RBM26: variants seen among roughly 807,000 people sequenced by gnomAD.
The protein encoded by RBM26 is RNA-binding protein 26.
RBM26 carries 30 observed loss-of-function variants against 123.6 expected under a neutral mutation model. The ratio of observed to expected loss-of-function variants is 0.24; its 90% CI spans 0.18 to 0.33. The LOEUF is 0.33. Among genes scored for constraint, RBM26 ranks in the 10% least tolerant of loss-of-function variants. The probability of loss-of-function intolerance (pLI) is 1.00; values close to 1 mark genes in which losing one functional copy is unlikely to be tolerated. For synonymous variants in RBM26, 400 were observed against 404.4 expected (o/e 0.99, Z 0.13); for missense variants, 947 against 1,203.6 (o/e 0.79, Z 3.15).
downstream of RBM26, among the ~76,000 whole-genome samples, chr13:79,315,990 T>A (rs1210927924): frequency 1.3e-5 from 2 of 151,856 alleles, no homozygotes; most frequent in Admixed American, 1.3e-4. Flanking sequence ...TCCTGAGATC[T>A]GGGAAAAGGA....
chr13:79,344,588 C>A (rs1461270058), intron 15 of RBM26, 81 bp downstream of exon 15: 1 of 1,245,818 alleles, frequency 8.0e-7, no homozygotes, highest in Admixed American at 2.0e-5. Context: ...TCTTATTTTG[C>A]AATAAGCACT....
rs776461225 is a variant in RBM26, at chr13:79,358,256, C to T, written c.1689+18G>A. On this transcript the variant is annotated intron_variant, in intron 11 of 21. Transcript: ENST00000438737. ...TAAACAGAAAGAAGAGATAACAAAA[C>T]CATTTCATGGCTCTTACCTGTAAGT... is the stretch of plus-strand genomic sequence containing the variant. 1 of 1,561,314 alleles carries T rather than the reference C, an allele frequency of 6.4e-7. No homozygotes were observed. The highest frequency in any genetic ancestry group is 1.2e-5 in the South Asian group (1 of 82,104).
intron 20 of RBM26, among the ~76,000 whole-genome samples, chr13:79,330,011 A>G (rs1019188061): frequency 6.6e-6 from 1 of 152,196 alleles, no homozygotes; most frequent in African/African-American, 2.4e-5. Context: ...GCTCCAAAAT[A>G]AGGAGTGGGC....
At chr13:79,397,607 G>A (rs1471383777) in intron 1 of RBM26, among the ~76,000 whole-genome samples, 3 of 147,388 alleles carry the variant, frequency 2.0e-5, no homozygotes, top group African/African-American at 5.0e-5. Context: ...GCGTGAACCC[G>A]GGAGGTGGAG....
Position 79,319,861 on chromosome 13 carries a change from T to C in RBM26, c.*760A>G, listed in dbSNP as rs2067477677. On this transcript the variant is annotated 3_prime_UTR_variant, in exon 22 of 22. Coordinates refer to ENST00000438737, the MANE Select transcript of RBM26 (RefSeq NM_001366735.2). Reference sequence around the variant, plus strand: ...CTTTTGTGATAATTGGGGGGAAGGGTAGATCACCATCTGGAATGGTCTATT... The same window carrying C: ...CTTTTGTGATAATTGGGGGGAAGGGCAGATCACCATCTGGAATGGTCTATT... The C allele has an allele frequency of 3.1e-6, 3 of 979,582 alleles. No homozygotes were observed. Among genetic ancestry groups the C allele is most frequent in the Non-Finnish European group, 3.6e-6 (3 of 825,506 alleles). 60.7% of individuals were successfully genotyped at this position (979,582 alleles called of 1,614,324 possible). A position where few individuals can be genotyped will look rare whatever the true frequency, so the allele number is the denominator to read the frequency against.
Position 79,392,013 on chromosome 13 carries a change from T to TATGCA in RBM26, c.72-13107_72-13106insTGCAT, listed in dbSNP as rs1555342948. Among the ~76,000 whole-genome samples, 24 of 115,052 alleles carry TATGCA rather than the reference T, an allele frequency of 2.1e-4. 2 individuals are homozygous for TATGCA. Among genetic ancestry groups the TATGCA allele is most frequent in the African/African-American group, 5.7e-4 (18 of 31,510 alleles). 75.5% of individuals were successfully genotyped at this position (115,052 alleles called of 152,430 possible). ...AATACATTATTATATAATTATATAT[T>TATGCA]ATACATTATTATATAATTATATATT... On this transcript the variant is annotated intron_variant, in intron 1 of 21. Transcript: ENST00000438737.
intron 1 of RBM26, among the ~76,000 whole-genome samples, chr13:79,382,852 C>G (rs1362431828): frequency 6.6e-6 from 1 of 152,130 alleles, no homozygotes; most frequent in African/African-American, 2.4e-5. Flanking sequence ...TAAACAAACT[C>G]AAACAGATTC....
Position 79,405,708 on chromosome 13 carries a change from G to A in RBM26, c.67C>T (p.Pro23Ser). The part of the protein sequence containing the change: ...LKSWLSKTLE[P>S]ICDADPSALA... Reference sequence around the variant, plus strand: ...AGATATCCCCCGGATACTCACATGGGCTCGAGAGTCTTGCTGAGCCAGGAC... The same window carrying A: ...AGATATCCCCCGGATACTCACATGGACTCGAGAGTCTTGCTGAGCCAGGAC... Residue 23 changes from proline to serine, a missense_variant, in exon 1 of 22, where the codon CCC becomes TCC. By Grantham distance (74) the Pro-to-Ser change is moderately conservative. This residue lies in a region of RBM26 where 275 missense variants were observed against 361.0 expected (regional missense o/e 0.76). Coordinates refer to ENST00000438737, the MANE Select transcript of RBM26 (RefSeq NM_001366735.2). 2 of 1,593,480 alleles carry A rather than the reference G, an allele frequency of 1.3e-6. No homozygotes were observed. Among genetic ancestry groups the A allele is most frequent in the Non-Finnish European group, 1.7e-6 (2 of 1,167,764 alleles).
chr13:79,345,844 T>A (rs2072236483), intron 14 of RBM26, among the ~76,000 whole-genome samples: 1 of 151,388 alleles, frequency 6.6e-6, no homozygotes, highest in Admixed American at 6.6e-5. Context: ...TATACAACGG[T>A]CAGCTCAAAA....
chr13:79,328,981 T>C (rs1405635705), intron 20 of RBM26, among the ~76,000 whole-genome samples: 2 of 151,918 alleles, frequency 1.3e-5, no homozygotes, highest in Non-Finnish European at 2.9e-5. Flanking sequence ...GCGTACACAC[T>C]ATGGCAAGAG....
intron 20 of RBM26, among the ~76,000 whole-genome samples, chr13:79,330,462 T>C (rs978726890): frequency 6.6e-6 from 1 of 152,178 alleles, no homozygotes; most frequent in Non-Finnish European, 1.5e-5. Flanking sequence ...AATATAAAAA[T>C]GCAGCCTTTC....
chr13:79,402,363 A>T (rs1281737714), intron 1 of RBM26, among the ~76,000 whole-genome samples: 2 of 152,120 alleles, frequency 1.3e-5, no homozygotes, highest in Non-Finnish European at 2.9e-5. Context: ...GAACCCTGAT[A>T]CATGTACAGA....
At chr13:79,324,837 A>C (rs368185529) in intron 20 of RBM26, among the ~76,000 whole-genome samples, 17 of 152,130 alleles carry the variant, frequency 1.1e-4, no homozygotes, top group East Asian at 7.7e-4. Context: ...AAAAGACATA[A>C]TGCTGTCTTT....
Position 79,367,964 on chromosome 13 carries a change from T to C in RBM26, c.895+766A>G, listed in dbSNP as rs1047572339. Among the ~76,000 whole-genome samples, 3 of 152,292 alleles carry C rather than the reference T, an allele frequency of 2.0e-5. No individual in the cohort carries two copies. In the South Asian group the frequency reaches 6.2e-4, roughly 32 times the overall value. ...AACTAAAAAAAATTGCAATGATGGC[T>C]TTAATACTACTTATAAATCTTTTAC... On this transcript the variant is annotated intron_variant, in intron 6 of 21. Transcript: ENST00000438737.
chr13:79,386,813 A>G (rs1279842258), intron 1 of RBM26, among the ~76,000 whole-genome samples: 1 of 152,152 alleles, frequency 6.6e-6, no homozygotes, highest in Non-Finnish European at 1.5e-5. Context: ...AAAATGAGAG[A>G]GCAGAGGCTA....
intron 1 of RBM26, among the ~76,000 whole-genome samples, chr13:79,395,046 C>G (rs1051618647): frequency 6.6e-6 from 1 of 152,208 alleles, no homozygotes; most frequent in Non-Finnish European, 1.5e-5. Flanking sequence ...GCAACTGACT[C>G]AGCCTCCACT....
At chr13:79,329,721 T>C (rs1230437626) in intron 20 of RBM26, among the ~76,000 whole-genome samples, 1 of 152,132 alleles carries the variant, frequency 6.6e-6, no homozygotes, top group Non-Finnish European at 1.5e-5. Flanking sequence ...AATCAAGCTA[T>C]ATCAAAATAT....
intron 20 of RBM26, among the ~76,000 whole-genome samples, chr13:79,327,135 A>C (rs1385936115): frequency 6.6e-6 from 1 of 151,988 alleles, no homozygotes; most frequent in Non-Finnish European, 1.5e-5. Context: ...ATCTCTACAA[A>C]AAATACAAAA....
intron 3 of RBM26, among the ~76,000 whole-genome samples, chr13:79,374,212 T>C (rs1475636634): frequency 6.6e-6 from 1 of 152,138 alleles, no homozygotes; most frequent in Non-Finnish European, 1.5e-5. Flanking sequence ...CTCACACCTA[T>C]AATCCCAGCA....
Sources: gnomAD v4.1 joint callset for allele counts (sites outside exome capture counted in the v4.1 genomes callset) on GRCh38, gnomAD v4.1.1 for gene constraint, gnomAD v4.1.1 regional missense constraint, MANE v1.5 for transcripts, NCBI Gene and HGNC (gene_info 2026-07-23, HGNC 2026-07-21) for gene names.